The following ARHGAP24 variants were observed in gnomAD, a reference collection of about 807,000 sequenced individuals.
The protein encoded by ARHGAP24 is rho GTPase-activating protein 24.
A neutral mutation model predicts 76.4 loss-of-function variants in ARHGAP24; 50 were observed. The observed-to-expected ratio is 0.65, with a 90% CI of 0.52 to 0.83. The LOEUF (loss-of-function observed/expected upper bound fraction) is 0.83. Among genes scored for constraint, ARHGAP24 ranks in the 40% least tolerant of loss-of-function variants. ARHGAP24 has a pLI of 0.00. For missense variants in ARHGAP24, 930 were observed against 914.2 expected, an observed-to-expected ratio of 1.02 and a Z score of -0.22; for synonymous variants, 345 against 323.3, an observed-to-expected ratio of 1.07 and a Z score of -0.72.
intron 2 of ARHGAP24, among the ~76,000 whole-genome samples, chr4:85,613,533 T>C (rs1720460189): frequency 6.6e-6 from 1 of 152,216 alleles, no homozygotes; most frequent in Non-Finnish European, 1.5e-5. Context: ...AACAATTTTA[T>C]TTTCCTGCAC....
At chr4:85,936,186 A>G (rs899821196) in intron 4 of ARHGAP24, among the ~76,000 whole-genome samples, 3 of 152,166 alleles carry the variant, frequency 2.0e-5, no homozygotes, top group Non-Finnish European at 2.9e-5. Context: ...AATTCCCACT[A>G]TGGCTGAGTA....
At chr4:85,703,559 C>T (rs915633810) in intron 2 of ARHGAP24, among the ~76,000 whole-genome samples, 1 of 152,000 alleles carries the variant, frequency 6.6e-6, no homozygotes, top group Non-Finnish European at 1.5e-5. Context: ...GATTTGTGCC[C>T]TTATAAAAGA....
At chr4:85,506,047 A>C (rs548186958) in intron 1 of ARHGAP24, among the ~76,000 whole-genome samples, 1 of 152,230 alleles carries the variant, frequency 6.6e-6, no homozygotes, top group East Asian at 1.9e-4. Flanking sequence ...GGGTATCATC[A>C]GTGGAGGCTG....
chr4:85,942,473 C>A (rs1223307043), intron 5 of ARHGAP24, 200 bp downstream of exon 5: 5 of 566,060 alleles, frequency 8.8e-6, no homozygotes, highest in Non-Finnish European at 1.5e-5. Flanking sequence ...CTCTTCCATA[C>A]TTTCCATCTT....
chr4:85,660,876 G>C (rs1722358112), intron 2 of ARHGAP24, among the ~76,000 whole-genome samples: 1 of 147,996 alleles, frequency 6.8e-6, no homozygotes, highest in Non-Finnish European at 1.5e-5. Flanking sequence ...ATTATTTTTA[G>C]AGTTTCAATT....
chr4:85,729,812 T>C (rs528880942), intron 3 of ARHGAP24, among the ~76,000 whole-genome samples: 1 of 152,362 alleles, frequency 6.6e-6, no homozygotes, highest in African/African-American at 2.4e-5. Flanking sequence ...AGAAATATTA[T>C]TCTTTATTTT....
intron 2 of ARHGAP24, among the ~76,000 whole-genome samples, chr4:85,693,932 G>C (rs139231553): frequency 6.6e-6 from 1 of 152,172 alleles, no homozygotes; most frequent in East Asian, 1.9e-4. Context: ...ATGTTTATGG[G>C]GTACCTGGGG....
Position 85,722,172 on chromosome 4 carries a change from A to G in ARHGAP24, c.268+200A>G, listed in dbSNP as rs1182679308. The G allele has an allele frequency of 7.4e-6, 4 of 543,310 alleles. 1 individual carries two copies. The South Asian group carries it at 8.0e-5, about 11-fold the overall frequency. The allele number at this position is 543,310 out of a possible 1,614,324, so 33.7% of individuals were successfully genotyped here. On this transcript the variant is annotated intron_variant, in intron 3 of 9. Transcript: ENST00000395184. The stretch of plus-strand genomic sequence containing the variant: ...ACTCACACACACATACTCTGACCAC[A>G]TAACTACTGGATTTTCATTTGTCCA...
intron 2 of ARHGAP24, among the ~76,000 whole-genome samples, chr4:85,667,321 C>T (rs887274594): frequency 4.6e-5 from 7 of 152,188 alleles, no homozygotes; most frequent in African/African-American, 1.7e-4. Context: ...GATATAATCT[C>T]CTGGTGCGCC....
intron 1 of ARHGAP24, among the ~76,000 whole-genome samples, chr4:85,557,508 T>C (rs2200050): frequency 0.12 from 17,623 of 152,148 alleles, 1,585 homozygotes; most frequent in African/African-American, 0.25. Flanking sequence ...TTACTCACTG[T>C]TTCCCCAGTG....
chr4:85,518,255 T>A (rs998334545), intron 1 of ARHGAP24, among the ~76,000 whole-genome samples: 2 of 152,074 alleles, frequency 1.3e-5, no homozygotes, highest in Non-Finnish European at 2.9e-5. Context: ...AGGCAGAAAA[T>A]CTTTAGCTAA....
chr4:85,502,500 T>A (rs1009060240), intron 1 of ARHGAP24, among the ~76,000 whole-genome samples: 1 of 152,172 alleles, frequency 6.6e-6, no homozygotes, highest in East Asian at 1.9e-4. Context: ...GAATAGGAAT[T>A]CACTCATGAT....
chr4:85,980,779 G>C (rs564195129), intron 8 of ARHGAP24, among the ~76,000 whole-genome samples: 13 of 152,106 alleles, frequency 8.5e-5, no homozygotes, highest in Admixed American at 1.3e-4. Flanking sequence ...GAGGTCCATG[G>C]CCTCAAATGT....
intron 1 of ARHGAP24, among the ~76,000 whole-genome samples, chr4:85,564,324 A>G (rs1726719430): frequency 6.7e-6 from 1 of 149,570 alleles, no homozygotes; most frequent in Non-Finnish European, 1.5e-5. Flanking sequence ...GTTCTCGCTC[A>G]TAGGTGGGAA....
chr4:85,593,934 C>T (rs188491106), intron 2 of ARHGAP24, among the ~76,000 whole-genome samples: 36 of 151,796 alleles, frequency 2.4e-4, no homozygotes, highest in South Asian at 1.0e-3. Flanking sequence ...TTGGCTATTC[C>T]GGGTCTTTTG....
chr4:85,625,742 A>C (rs1243956344), intron 2 of ARHGAP24, among the ~76,000 whole-genome samples: 2 of 152,138 alleles, frequency 1.3e-5, no homozygotes, highest in Admixed American at 1.3e-4. Context: ...TTGCTTTATG[A>C]ATCTGGGTGC....
chr4:85,724,472 T>C (rs934172059), intron 3 of ARHGAP24, among the ~76,000 whole-genome samples: 21 of 148,288 alleles, frequency 1.4e-4, no homozygotes, highest in Non-Finnish European at 2.8e-4. Flanking sequence ...CTGTATGTCC[T>C]TATAATTTTT....
At chr4:85,950,040 C>G (rs1737517034) in intron 5 of ARHGAP24, among the ~76,000 whole-genome samples, 2 of 152,208 alleles carry the variant, frequency 1.3e-5, no homozygotes, top group African/African-American at 4.8e-5. Context: ...ATACCCGTCT[C>G]CTTCTTGAGG....
chr4:85,628,725 G>T (rs73833375), intron 2 of ARHGAP24, among the ~76,000 whole-genome samples: 7,982 of 152,168 alleles, frequency 0.052, 677 homozygotes, highest in African/African-American at 0.18. Flanking sequence ...TCTTCTTTGT[G>T]AATTGACCCT....
Sources: gnomAD v4.1 joint callset for allele counts (sites outside exome capture counted in the v4.1 genomes callset) on GRCh38, gnomAD v4.1.1 for gene constraint, MANE v1.5 for transcripts, NCBI Gene and HGNC (gene_info 2026-07-23, HGNC 2026-07-21) for gene names.